The following ZNRF1 variants were observed in gnomAD, a reference collection of about 807,000 sequenced individuals.
ZNRF1 encodes the protein E3 ubiquitin-protein ligase ZNRF1.
ZNRF1 carries 3 observed loss-of-function variants against 18.4 expected under a neutral mutation model. That is an observed-to-expected ratio of 0.16 (90% CI 0.07 to 0.42). The LOEUF is 0.42. Among genes scored for constraint, ZNRF1 ranks in the 10% least tolerant of loss-of-function variants. The probability of loss-of-function intolerance (pLI) is 0.99; values close to 1 mark genes in which losing one functional copy is unlikely to be tolerated. For synonymous variants in ZNRF1, 157 were observed against 144.2 expected (o/e 1.09, Z -0.64); for missense variants, 310 against 329.8 (o/e 0.94, Z 0.47).
chr16:75,035,758 G>A (rs144723274), intron 1 of ZNRF1, among the ~76,000 whole-genome samples: 1,969 of 152,294 alleles, frequency 0.013, 15 homozygotes, highest in Middle Eastern at 0.02. Flanking sequence ...CGCAGTGGCC[G>A]CCAACACTTG....
chr16:75,059,664 C>T (rs1413083877), intron 1 of ZNRF1, among the ~76,000 whole-genome samples: 2 of 152,112 alleles, frequency 1.3e-5, no homozygotes, highest in African/African-American at 4.8e-5. Context: ...CAGGTCTTAT[C>T]TGATCCTTCC....
chr16:75,078,622 G>A (rs536379972), intron 1 of ZNRF1, among the ~76,000 whole-genome samples: 5 of 152,198 alleles, frequency 3.3e-5, no homozygotes, highest in Non-Finnish European at 7.4e-5. Context: ...AGTGGTATTT[G>A]TCAATATTTA....
intron 1 of ZNRF1, among the ~76,000 whole-genome samples, chr16:75,031,647 C>T (rs1174457417): frequency 6.6e-6 from 1 of 152,108 alleles, no homozygotes; most frequent in Non-Finnish European, 1.5e-5. Flanking sequence ...ACTGGGACTA[C>T]AGGCGCTTGC....
intron 1 of ZNRF1, among the ~76,000 whole-genome samples, chr16:75,004,540 A>G (rs961303160): frequency 6.6e-6 from 1 of 152,254 alleles, no homozygotes; most frequent in Non-Finnish European, 1.5e-5. Flanking sequence ...ATGCACTTTC[A>G]GAAAGTCTAA....
intron 1 of ZNRF1, among the ~76,000 whole-genome samples, chr16:75,065,355 C>T (rs971693419): frequency 2.0e-5 from 3 of 152,180 alleles, no homozygotes; most frequent in Non-Finnish European, 2.9e-5. Context: ...CACGGCAACT[C>T]CTCAACTCCT....
chr16:75,014,262 C>T (rs1253457694), intron 1 of ZNRF1, among the ~76,000 whole-genome samples: 1 of 152,204 alleles, frequency 6.6e-6, no homozygotes, highest in East Asian at 1.9e-4. Context: ...CCCATTTTCT[C>T]TTTCCCTCTC....
At chr16:75,019,601 C>T (rs910807642) in intron 1 of ZNRF1, among the ~76,000 whole-genome samples, 1 of 151,976 alleles carries the variant, frequency 6.6e-6, no homozygotes, top group Non-Finnish European at 1.5e-5. Flanking sequence ...GGTTGGGGAA[C>T]GCAGAAAAAT....
intron 1 of ZNRF1, among the ~76,000 whole-genome samples, chr16:75,012,772 A>G (rs778883538): frequency 6.6e-6 from 1 of 152,186 alleles, no homozygotes; most frequent in Non-Finnish European, 1.5e-5. Context: ...TACATAAGCT[A>G]CAGACGGGAA....
intron 1 of ZNRF1, among the ~76,000 whole-genome samples, chr16:75,001,589 C>A (rs533598553): frequency 6.6e-6 from 1 of 152,132 alleles, no homozygotes; most frequent in African/African-American, 2.4e-5. Flanking sequence ...GAATTTAGTC[C>A]AGAGAGTTAG....
intron 1 of ZNRF1, among the ~76,000 whole-genome samples, chr16:75,076,713 A>T (rs1291149167): frequency 1.3e-5 from 2 of 149,776 alleles, no homozygotes; most frequent in African/African-American, 4.9e-5. Flanking sequence ...CCCAAAATTC[A>T]TGTGTTGAAG....
intron 1 of ZNRF1, among the ~76,000 whole-genome samples, chr16:75,011,015 A>G (rs1452829124): frequency 6.6e-6 from 1 of 152,160 alleles, no homozygotes; most frequent in Non-Finnish European, 1.5e-5. Context: ...AGCTGGGAGA[A>G]GCTTTAACCT....
chr16:75,088,031 A>G lies in ZNRF1; in HGVS notation c.425-5541A>G, dbSNP rs115742168. 2.8e-3 allele frequency among the ~76,000 whole-genome samples: 419 copies of G among 152,340 alleles called. 1 individual carries two copies. Among genetic ancestry groups the G allele is most frequent in the African/African-American group, 9.8e-3 (406 of 41,584 alleles). On this transcript the variant is annotated intron_variant, in intron 1 of 4. Transcript: ENST00000335325. ...GTCTCCGAGGAAGTTTGACAAAATC[A>G]TGCAGGCCGAATGAGTTTGCAGACC...
chr16:75,089,536 G>A (rs1175206166), intron 1 of ZNRF1, among the ~76,000 whole-genome samples: 4 of 152,166 alleles, frequency 2.6e-5, no homozygotes, highest in African/African-American at 9.7e-5. Context: ...CCTCTCCAGA[G>A]GTAATATTTC....
intron 1 of ZNRF1, among the ~76,000 whole-genome samples, chr16:75,053,315 G>T (rs1407541525): frequency 6.6e-6 from 1 of 152,168 alleles, no homozygotes; most frequent in African/African-American, 2.4e-5. Flanking sequence ...ATGGCTGGGT[G>T]CAGTGGCTCA....
intron 1 of ZNRF1, among the ~76,000 whole-genome samples, chr16:75,013,546 C>T (rs2145326875): frequency 6.6e-6 from 1 of 152,220 alleles, no homozygotes; most frequent in South Asian, 2.1e-4. Context: ...GGGGTTTTAC[C>T]ATGTTAGCCA....
chr16:75,042,712 T>G (rs577195203), intron 1 of ZNRF1, among the ~76,000 whole-genome samples: 1 of 152,348 alleles, frequency 6.6e-6, no homozygotes, highest in African/African-American at 2.4e-5. Context: ...GGGTTTTGAC[T>G]ATCCTAGGTC....
intron 1 of ZNRF1, among the ~76,000 whole-genome samples, chr16:75,062,103 A>G (rs1252017118): frequency 6.6e-6 from 1 of 152,240 alleles, no homozygotes; most frequent in South Asian, 2.1e-4. Flanking sequence ...CAAGTGAGAA[A>G]TCTAAGCAAA....
At chr16:75,025,706 G>C in intron 1 of ZNRF1, among the ~76,000 whole-genome samples, 1 of 152,276 alleles carries the variant, frequency 6.6e-6, no homozygotes, top group South Asian at 2.1e-4. Context: ...CTCTTTCCCA[G>C]CCCTCTGTTC....
intron 1 of ZNRF1, among the ~76,000 whole-genome samples, chr16:75,047,736 C>G (rs1014603925): frequency 6.6e-6 from 1 of 152,080 alleles, no homozygotes; most frequent in Non-Finnish European, 1.5e-5. Context: ...AATCTTTTGC[C>G]TACCATGTTA....
Sources: gnomAD v4.1 joint callset for allele counts (sites outside exome capture counted in the v4.1 genomes callset) on GRCh38, gnomAD v4.1.1 for gene constraint, MANE v1.5 for transcripts, NCBI Gene and HGNC (gene_info 2026-07-23, HGNC 2026-07-21) for gene names.